CPSF3: variants seen among roughly 807,000 people sequenced by gnomAD.
The protein encoded by CPSF3 is cleavage and polyadenylation specificity factor subunit 3.
A neutral mutation model predicts 84.1 loss-of-function variants in CPSF3; 57 were observed. That is an observed-to-expected ratio of 0.68 (90% confidence interval 0.55 to 0.85). The LOEUF is 0.85. Among genes scored for constraint, CPSF3 ranks in the 40% least tolerant of loss-of-function variants. CPSF3 has a pLI of 0.00. For synonymous variants in CPSF3, 275 were observed against 278.1 expected (o/e 0.99, Z 0.11); for missense variants, 522 against 838.8 (o/e 0.62, Z 4.66).
chr2:9,437,086 A>G (rs546642739), intron 7 of CPSF3, among the ~76,000 whole-genome samples: 2 of 152,128 alleles, frequency 1.3e-5, no homozygotes, highest in Non-Finnish European at 2.9e-5. Context: ...TATTAAGTCA[A>G]CCAAAAAAGT....
Position 9,450,444 on chromosome 2 carries a change from C to T in CPSF3, c.1395+2094C>T, listed in dbSNP as rs188745306. ...TGCTGGGATTACAGGCGTGACCCAC[C>T]GTGCCCAGTCTGAGGCTCAAACTTT... On this transcript the variant is annotated intron_variant, in intron 11 of 17. Transcript: ENST00000238112. 5.1e-3 allele frequency among the ~76,000 whole-genome samples: 783 copies of T among 152,080 alleles called. 4 individuals are homozygous for T. The highest frequency in any genetic ancestry group is 0.018 in the African/African-American group (744 of 41,492).
intron 15 of CPSF3, among the ~76,000 whole-genome samples, chr2:9,463,408 A>T (rs537080860): frequency 1.4e-4 from 22 of 152,200 alleles, no homozygotes; most frequent in Admixed American, 2.6e-4. Flanking sequence ...GATATCGCAA[A>T]GTGCTGGATT....
chr2:9,436,426 T>C, intron 7 of CPSF3, 65 bp downstream of exon 7: 6 of 1,478,498 alleles, frequency 4.1e-6, no homozygotes, highest in Non-Finnish European at 4.6e-6. Flanking sequence ...GATAATAATG[T>C]GGTCTTGGAT....
intron 5 of CPSF3, among the ~76,000 whole-genome samples, chr2:9,433,083 C>T (rs1397412293): frequency 2.0e-5 from 3 of 152,146 alleles, no homozygotes; most frequent in Non-Finnish European, 4.4e-5. Context: ...CACAGGTAAG[C>T]CCCTAAGCAG....
chr2:9,424,067 GA>G (rs113168259), intron 1 of CPSF3: 718 of 1,164,770 alleles, frequency 6.2e-4, no homozygotes, highest in East Asian at 4.0e-3. Context: ...GTTGGAGTCG[GA>G]AAAAAAAAAG....
intron 15 of CPSF3, among the ~76,000 whole-genome samples, chr2:9,466,325 CAG>C (rs1553348549): frequency 1.1e-4 from 11 of 100,058 alleles, no homozygotes; most frequent in East Asian, 4.0e-4. Flanking sequence ...CGCACGCACA[CAG>C]ACGCACGCAC....
intron 1 of CPSF3, among the ~76,000 whole-genome samples, chr2:9,426,658 G>C (rs1358141734): frequency 6.6e-6 from 1 of 152,114 alleles, no homozygotes; most frequent in African/African-American, 2.4e-5. Context: ...AAGGAAACAG[G>C]AAAGCCAGCA....
At chr2:9,442,071 A>C in intron 9 of CPSF3, 95 bp downstream of exon 9, 1 of 1,268,396 alleles carries the variant, frequency 7.9e-7, no homozygotes. Flanking sequence ...AGTTCTTCAA[A>C]TAATACAAGT....
chr2:9,448,048 G>T, intron 10 of CPSF3, 150 bp from the exon 11 acceptor site: 1 of 454,116 alleles, frequency 2.2e-6, no homozygotes, highest in Non-Finnish European at 3.9e-6. Flanking sequence ...TGAATCGGCT[G>T]GAGGTCCTTA....
At chr2:9,465,571 G>A (rs927969223) in intron 15 of CPSF3, among the ~76,000 whole-genome samples, 11 of 150,242 alleles carry the variant, frequency 7.3e-5, no homozygotes, top group African/African-American at 2.0e-4. Flanking sequence ...ACACGCGCGC[G>A]CGTTTATATA....
intron 16 of CPSF3, among the ~76,000 whole-genome samples, chr2:9,468,425 A>G (rs1252928244): frequency 6.6e-6 from 1 of 151,892 alleles, no homozygotes; most frequent in Admixed American, 6.6e-5. Context: ...GGGACTTCCT[A>G]TGTTGCCCAG....
At chr2:9,445,408 CTCG>C (rs1681097043) in intron 10 of CPSF3, among the ~76,000 whole-genome samples, 1 of 152,130 alleles carries the variant, frequency 6.6e-6, no homozygotes, top group African/African-American at 2.4e-5. Flanking sequence ...GAAGTGGTAT[CTCG>C]TTGTGGTTTT....
At chr2:9,472,806 A>G in intron 17 of CPSF3, 110 bp from the exon 18 acceptor site, 3 of 788,798 alleles carry the variant, frequency 3.8e-6, no homozygotes, top group Non-Finnish European at 6.4e-6. Flanking sequence ...ACGCCACCAC[A>G]GCTGGCTAAT....
At chr2:9,428,865 C>A in intron 2 of CPSF3, 37 bp downstream of exon 2, 2 of 1,259,724 alleles carry the variant, frequency 1.6e-6, no homozygotes, top group Middle Eastern at 1.9e-4. Context: ...AATAGTATGG[C>A]TCTGTCTGTA....
At position 9,452,955 on chromosome 2, in the gene CPSF3, C is replaced by A. The variant is rs749621853; in HGVS notation, c.1438C>A (p.Arg480=). Reference sequence around the variant, plus strand: ...AGACAAAAAACCAGAACAAGGCCAGCGGGTCTCAGGAATACTTGTTAAAAG... The same window carrying A: ...AGACAAAAAACCAGAACAAGGCCAGAGGGTCTCAGGAATACTTGTTAAAAG... ...LADKKPEQGQ[R]VSGILVKRNF... Residue 480 remains arginine (R), a synonymous_variant, in exon 12 of 18, where the codon CGG becomes AGG. Transcript: ENST00000238112. The A allele has an allele frequency of 6.2e-7, 1 of 1,610,942 alleles. No individual in the cohort carries two copies. Among genetic ancestry groups the A allele is most frequent in the Admixed American group, 1.7e-5 (1 of 59,352 alleles).
At chr2:9,437,364 A>G (rs894698642) in intron 7 of CPSF3, among the ~76,000 whole-genome samples, 1 of 151,658 alleles carries the variant, frequency 6.6e-6, no homozygotes, top group African/African-American at 2.4e-5. Context: ...AGATTGCACC[A>G]CTGCACTCCA....
chr2:9,448,703 C>A, intron 11 of CPSF3, among the ~76,000 whole-genome samples: 1 of 152,018 alleles, frequency 6.6e-6, no homozygotes, highest in East Asian at 1.9e-4. Flanking sequence ...ATTACAGGTG[C>A]GCGCCACCAC....
At chr2:9,461,260 C>T (rs573222153) in intron 15 of CPSF3, among the ~76,000 whole-genome samples, 5 of 152,294 alleles carry the variant, frequency 3.3e-5, no homozygotes, top group South Asian at 2.1e-4. Context: ...TAAGCCACAA[C>T]GCATTTATAT....
intron 7 of CPSF3, among the ~76,000 whole-genome samples, chr2:9,440,016 C>CT (rs146776505): frequency 0.081 from 12,255 of 151,442 alleles, 1,638 homozygotes; most frequent in African/African-American, 0.28. Context: ...TATGACTATA[C>CT]TTTTTTTTTA....
Sources: gnomAD v4.1 joint callset for allele counts (sites outside exome capture counted in the v4.1 genomes callset) on GRCh38, gnomAD v4.1.1 for gene constraint, MANE v1.5 for transcripts, NCBI Gene and HGNC (gene_info 2026-07-23, HGNC 2026-07-21) for gene names.